Variants in BFSP1 observed in about 807,000 individuals in gnomAD.
BFSP1 encodes the protein filensin.
BFSP1 carries 38 observed loss-of-function variants against 43.9 expected under a neutral mutation model. The observed-to-expected ratio is 0.87, with a 90% confidence interval of 0.67 to 1.14. The LOEUF (loss-of-function observed/expected upper bound fraction) is 1.14. Ranked by LOEUF, BFSP1 falls within the 50% of genes most tolerant of loss-of-function variation. BFSP1 has a pLI of 0.00. For synonymous variants in BFSP1, 352 were observed against 354.8 expected, an observed-to-expected ratio of 0.99 and a Z score of 0.09; for missense variants, 850 against 875.1, an observed-to-expected ratio of 0.97 and a Z score of 0.36.
chr20:17,554,505 T>A (rs2034958084), intron 1 of BFSP1, among the ~76,000 whole-genome samples: 1 of 152,200 alleles, frequency 6.6e-6, no homozygotes, highest in South Asian at 2.1e-4. Context: ...TATAATTTAC[T>A]ACATTAACAA....
At chr20:17,508,329 A>T (rs1323197483) in intron 5 of BFSP1, among the ~76,000 whole-genome samples, 1 of 152,230 alleles carries the variant, frequency 6.6e-6, no homozygotes, top group East Asian at 1.9e-4. Context: ...TTTCAAATTA[A>T]GCTTCACCCA....
intron 1 of BFSP1, among the ~76,000 whole-genome samples, chr20:17,543,156 C>A (rs1443007105): frequency 6.6e-6 from 1 of 152,156 alleles, no homozygotes; most frequent in Admixed American, 6.5e-5. Context: ...ACTTGGGAAA[C>A]AATTTTATAA....
At chr20:17,522,747 T>C (rs1312392151) in intron 2 of BFSP1, among the ~76,000 whole-genome samples, 3 of 152,310 alleles carry the variant, frequency 2.0e-5, no homozygotes, top group Middle Eastern at 3.4e-3. Flanking sequence ...GCAAGTCATA[T>C]ACATTATTAC....
intron 2 of BFSP1, among the ~76,000 whole-genome samples, chr20:17,515,691 C>T (rs532907111): frequency 2.0e-5 from 3 of 152,216 alleles, no homozygotes; most frequent in Admixed American, 6.5e-5. Flanking sequence ...TTGGCATCTT[C>T]GGTGTGATAT....
intron 5 of BFSP1, among the ~76,000 whole-genome samples, chr20:17,508,308 T>C (rs2033989636): frequency 6.6e-6 from 1 of 152,180 alleles, no homozygotes; most frequent in Non-Finnish European, 1.5e-5. Flanking sequence ...TTTGGGGCTT[T>C]TCTGTTTTGT....
At chr20:17,564,627 C>T (rs2035099606) in intron 1 of BFSP1, among the ~76,000 whole-genome samples, 2 of 152,114 alleles carry the variant, frequency 1.3e-5, no homozygotes, top group Non-Finnish European at 2.9e-5. Flanking sequence ...CTTGCTCTGT[C>T]ACCCAGGCTA....
intron 1 of BFSP1, among the ~76,000 whole-genome samples, chr20:17,527,527 A>G (rs1194881020): frequency 6.6e-6 from 1 of 152,192 alleles, no homozygotes. Context: ...GGAGATCGAG[A>G]CCATCCTGGC....
At position 17,531,192 on chromosome 20, in the gene BFSP1, C is replaced by G. The variant is rs923937893; in HGVS notation, c.138G>C (p.Gly46=). 5 of 1,305,362 alleles carry G rather than the reference C, an allele frequency of 3.8e-6. No individual in the cohort carries two copies. Among genetic ancestry groups the G allele is most frequent in the Admixed American group, 7.6e-5 (2 of 26,234 alleles). The allele number at this position is 1,305,362 out of a possible 1,614,324, so 80.9% of individuals were successfully genotyped here. A position where few individuals can be genotyped will look rare whatever the true frequency, so the allele number is the denominator to read the frequency against. The change falls in exon 1 of 8, where the codon GGG becomes GGC. Residue 46 remains glycine (G), a synonymous_variant. Transcript: ENST00000377873. Reference sequence around the variant, plus strand: ...CGTGGGCGGCCACGCGCTCGCCGAGCCCCTGCAGCGCCGCCAGGCTCGTTG... The same window carrying G: ...CGTGGGCGGCCACGCGCTCGCCGAGGCCCTGCAGCGCCGCCAGGCTCGTTG... ...AGATSLAALQ[G]LGERVAAHVQ...
At chr20:17,544,942 T>C (rs1023974648) in intron 1 of BFSP1, among the ~76,000 whole-genome samples, 3 of 152,224 alleles carry the variant, frequency 2.0e-5, no homozygotes, top group Admixed American at 6.5e-5. Flanking sequence ...AAAATGATCA[T>C]TAACACCTAC....
At position 17,518,009 on chromosome 20, in the gene BFSP1, G is replaced by A. The variant is rs532535494; in HGVS notation, c.439-3193C>T. 1.4e-3 allele frequency among the ~76,000 whole-genome samples: 218 copies of A among 152,190 alleles called. 1 individual carries two copies. The highest frequency in any genetic ancestry group is 5.0e-3 in the African/African-American group (206 of 41,518). On this transcript the variant is annotated intron_variant, in intron 2 of 7. Transcript: ENST00000377873. Reference sequence around the variant, plus strand: ...AGTGTCCAGAGTCATTCCTCACCCCGGCCCCTGGACTCTCCTGCCTACTCT... The same window carrying A: ...AGTGTCCAGAGTCATTCCTCACCCCAGCCCCTGGACTCTCCTGCCTACTCT...
chr20:17,564,224 C>G (rs1237837039), intron 1 of BFSP1, among the ~76,000 whole-genome samples: 1 of 151,628 alleles, frequency 6.6e-6, no homozygotes, highest in Admixed American at 6.6e-5. Flanking sequence ...ATTAGCTGGG[C>G]ATGGTGGTGG....
upstream of BFSP1, among the ~76,000 whole-genome samples, chr20:17,559,832 G>C (rs780168839): frequency 2.0e-5 from 3 of 151,916 alleles, no homozygotes; most frequent in African/African-American, 7.3e-5. Context: ...CTGCCACCCC[G>C]TCTGTGGAAA....
At chr20:17,558,893 G>T in exon 1 of BFSP1, 1 of 610,274 alleles carries the variant, frequency 1.6e-6, no homozygotes, top group Non-Finnish European at 2.7e-6. Context: ...GGGTGGGAGG[G>T]AAGGCTTTCC....
rs1395576200 is a variant in BFSP1 at position 17,494,441 on chromosome 20, T to C, written c.1631A>G (p.Lys544Arg). Residue 544 changes from lysine (K) to arginine (R), a missense_variant, in exon 8 of 8, where the codon AAG (lysine) becomes AGG (arginine). Coordinates refer to ENST00000377873, the MANE Select transcript of BFSP1 (RefSeq NM_001195.5). The part of the protein sequence containing the change: ...GQPIDQQPID[K>R]EIEPDGAELE... ...CTCTGCACCATCTGGCTCAATCTCC[T>C]TGTCTATAGGCTGCTGGTCAATTGG... 1 of 1,614,196 alleles carries C rather than the reference T, an allele frequency of 6.2e-7. No homozygotes were observed. The highest frequency in any genetic ancestry group is 1.1e-5 in the South Asian group (1 of 91,080).
At position 17,529,598 on chromosome 20, in the gene BFSP1, T is replaced by C. The variant is rs537082901; in HGVS notation, c.377+1355A>G. On this transcript the variant is annotated intron_variant, in intron 1 of 7. Coordinates refer to ENST00000377873, the MANE Select transcript of BFSP1 (RefSeq NM_001195.5). Reference sequence around the variant, plus strand: ...AAAAAACTCTACTCTCCTCCCCTTTTAAAAGACTACATGACAATAACATAC... The same window carrying C: ...AAAAAACTCTACTCTCCTCCCCTTTCAAAAGACTACATGACAATAACATAC... Among the ~76,000 whole-genome samples the C allele has an allele frequency of 1.3e-4, 20 of 152,318 alleles. No individual in the cohort carries two copies. In the East Asian group the frequency reaches 3.1e-3, roughly 24 times the overall value.
rs77615915 is a variant in BFSP1 at position 17,520,497 on chromosome 20, A to T, written c.438+4351T>A. On this transcript the variant is annotated intron_variant, in intron 2 of 7. Transcript: ENST00000377873. ...TTCATTAAGAGTTCTAGTTAGCTGG[A>T]ATTTAATTAAAAAACACTTTTCCTT... Among the ~76,000 whole-genome samples the T allele has an allele frequency of 3.6e-3, 541 of 152,324 alleles. 1 individual carries two copies. The highest frequency in any genetic ancestry group is 5.8e-3 in the Non-Finnish European group (397 of 68,034).
chr20:17,561,060 T>C (rs1383149710), upstream of BFSP1, among the ~76,000 whole-genome samples: 1 of 152,232 alleles, frequency 6.6e-6, no homozygotes, highest in Admixed American at 6.5e-5. Context: ...GTGATTACAC[T>C]CAATCCTACA....
At chr20:17,515,843 T>G (rs1311924735) in intron 2 of BFSP1, among the ~76,000 whole-genome samples, 1 of 152,210 alleles carries the variant, frequency 6.6e-6, no homozygotes, top group Non-Finnish European at 1.5e-5. Context: ...ATAATGAGTC[T>G]TAGCAATGGG....
rs201549508 is a variant in BFSP1 at position 17,553,782 on chromosome 20, T to C, written c.2+4906A>G. ...CCTGTTAAAAATATATAAACATATATATATATATATATACACACACACACA... is the reference window on the plus strand; with the variant it reads ...CCTGTTAAAAATATATAAACATATACATATATATATATACACACACACACA... On this transcript the variant is annotated intron_variant, in intron 1 of 7. Coordinates refer to the BFSP1 transcript ENST00000377868. 1.2e-3 allele frequency among the ~76,000 whole-genome samples: 81 copies of C among 66,338 alleles called. No homozygotes were observed. The East Asian group carries it at 0.025, about 20-fold the overall frequency. 43.5% of individuals were successfully genotyped at this position (66,338 alleles called of 152,430 possible). A position where few individuals can be genotyped will look rare whatever the true frequency, so the allele number is the denominator to read the frequency against.
Sources: gnomAD v4.1 joint callset for allele counts (sites outside exome capture counted in the v4.1 genomes callset) on GRCh38, gnomAD v4.1.1 for gene constraint, MANE v1.5 for transcripts, NCBI Gene and HGNC (gene_info 2026-07-23, HGNC 2026-07-21) for gene names.